Variants in PODXL observed in about 807,000 individuals in gnomAD.
PODXL encodes the protein podocalyxin like, also known as podocalyxin.
A neutral mutation model predicts 48.9 loss-of-function variants in PODXL; 20 were observed. The observed-to-expected ratio is 0.41, with a 90% confidence interval of 0.29 to 0.59. PODXL has a LOEUF of 0.59. Among genes scored for constraint, PODXL ranks in the 20% least tolerant of loss-of-function variants. The pLI is 0.31. For missense variants in PODXL, 606 were observed against 675.1 expected, an observed-to-expected ratio of 0.90 and a Z score of 1.13; for synonymous variants, 295 against 287.4, an observed-to-expected ratio of 1.03 and a Z score of -0.27.
At chr7:131,548,850 C>T (rs1166646339) in intron 1 of PODXL, among the ~76,000 whole-genome samples, 1 of 152,220 alleles carries the variant, frequency 6.6e-6, no homozygotes, top group East Asian at 1.9e-4. Context: ...CCGGCCCCCA[C>T]CTGCCACCTC....
rs1032270689 is a variant in PODXL, at chr7:131,531,812, T to A, written c.101-20379A>T. ...TGTAAAGACCCTTTGTCCACATAAG[T>A]TAATAATCACACATTCCAGCCAGGC... is the stretch of plus-strand genomic sequence containing the variant. On this transcript the variant is annotated intron_variant, in intron 1 of 8. Transcript: ENST00000378555. Among the ~76,000 whole-genome samples, 3 of 152,160 alleles carry A rather than the reference T, an allele frequency of 2.0e-5. 1 individual carries two copies. The highest frequency in any genetic ancestry group is 2.0e-4 in the Admixed American group (3 of 15,278).
chr7:131,554,173 A>G (rs1016635635), intron 1 of PODXL, among the ~76,000 whole-genome samples: 4 of 152,154 alleles, frequency 2.6e-5, no homozygotes, highest in African/African-American at 9.7e-5. Flanking sequence ...ACACCTTCAG[A>G]AGGACAGGGA....
At chr7:131,548,062 G>T (rs1193124739) in intron 1 of PODXL, among the ~76,000 whole-genome samples, 1 of 152,224 alleles carries the variant, frequency 6.6e-6, no homozygotes, top group Non-Finnish European at 1.5e-5. Context: ...TGCAGCTCAA[G>T]ACCCAATTAG....
At chr7:131,541,892 A>G (rs1196336917) in intron 1 of PODXL, among the ~76,000 whole-genome samples, 4 of 152,092 alleles carry the variant, frequency 2.6e-5, no homozygotes, top group African/African-American at 9.7e-5. Context: ...TGAATCAAGA[A>G]TCTCAGGGCC....
chr7:131,538,554 T>C (rs982249184), intron 1 of PODXL, among the ~76,000 whole-genome samples: 1 of 152,096 alleles, frequency 6.6e-6, no homozygotes, highest in African/African-American at 2.4e-5. Context: ...AGCTTCTAGA[T>C]ACATTCTTTG....
chr7:131,505,795 C>G lies in PODXL; in HGVS notation c.1479+73G>C, dbSNP rs7799613. 0.61 allele frequency: 852,249 copies of G among 1,400,866 alleles called. 261,207 individuals are homozygous for G. The highest frequency in any genetic ancestry group is 0.79 in the Middle Eastern group (3,523 of 4,476). The allele number at this position is 1,400,866 out of a possible 1,614,324, so 86.8% of individuals were successfully genotyped here. On this transcript the variant is annotated intron_variant, in intron 8 of 8. Transcript: ENST00000378555. ...CTGCTCCCTTTCCTCTTCTGCAACTCGGGAATCACGAGGGGAGGGTTCCTC... is the reference window on the plus strand; with the variant it reads ...CTGCTCCCTTTCCTCTTCTGCAACTGGGGAATCACGAGGGGAGGGTTCCTC...
chr7:131,528,956 G>C (rs1455533368), intron 1 of PODXL, among the ~76,000 whole-genome samples: 1 of 152,098 alleles, frequency 6.6e-6, no homozygotes, highest in Non-Finnish European at 1.5e-5. Flanking sequence ...GGGTTTACTT[G>C]AGCAGATAAG....
At chr7:131,505,843 T>C (rs745903753) in intron 8 of PODXL, 25 bp downstream of exon 8, 1 of 1,542,874 alleles carries the variant, frequency 6.5e-7, no homozygotes, top group South Asian at 1.2e-5. Flanking sequence ...CTGCTTCCCC[T>C]GTGTGGCTGC....
At chr7:131,552,480 C>T (rs1015697642) in intron 1 of PODXL, among the ~76,000 whole-genome samples, 2 of 152,182 alleles carry the variant, frequency 1.3e-5, no homozygotes, top group African/African-American at 4.8e-5. Context: ...CAGCACCCTC[C>T]TCTCCTTTCA....
chr7:131,522,815 T>TGAAAA, intron 1 of PODXL, among the ~76,000 whole-genome samples: 1 of 152,360 alleles, frequency 6.6e-6, no homozygotes, highest in East Asian at 1.9e-4. Context: ...CTTTTCTCTT[T>TGAAAA]CACTTTTGTT....
chr7:131,545,379 G>A (rs1230025188), intron 1 of PODXL, among the ~76,000 whole-genome samples: 1 of 152,196 alleles, frequency 6.6e-6, no homozygotes, highest in Non-Finnish European at 1.5e-5. Context: ...TGAGTGTGTT[G>A]TTATAGCTAA....
intron 1 of PODXL, among the ~76,000 whole-genome samples, chr7:131,532,733 C>T (rs1339365805): frequency 6.6e-6 from 1 of 152,200 alleles, no homozygotes; most frequent in South Asian, 2.1e-4. Flanking sequence ...CAACCCCCAG[C>T]GTGAAGGTCT....
rs1359108527 is a variant in PODXL at position 131,539,604 on chromosome 7, C to T, written c.100+16656G>A. Among the ~76,000 whole-genome samples, 6 of 152,368 alleles carry T rather than the reference C, an allele frequency of 3.9e-5. No homozygotes were observed. In the East Asian group the frequency reaches 1.2e-3, roughly 29 times the overall value. On this transcript the variant is annotated intron_variant, in intron 1 of 8. Coordinates refer to ENST00000378555, the MANE Select transcript of PODXL (RefSeq NM_001018111.3). ...AAAGTGCTGGGATTACAGGCGTGAG[C>T]CACCACGCCCAGTCCCCGAAATGTA...
intron 1 of PODXL, among the ~76,000 whole-genome samples, chr7:131,548,133 G>C (rs1798611558): frequency 6.6e-6 from 1 of 152,238 alleles, no homozygotes; most frequent in South Asian, 2.1e-4. Context: ...GAAGGCTACA[G>C]CCACATAACT....
intron 1 of PODXL, among the ~76,000 whole-genome samples, chr7:131,555,026 C>T (rs190213141): frequency 3.3e-5 from 5 of 152,284 alleles, no homozygotes; most frequent in Admixed American, 1.3e-4. Flanking sequence ...TGGAGTCTCC[C>T]GCCGGCCACA....
chr7:131,540,795 C>G (rs1798465239), intron 1 of PODXL, among the ~76,000 whole-genome samples: 5 of 152,222 alleles, frequency 3.3e-5, no homozygotes, highest in Admixed American at 3.3e-4. Context: ...AGTCTCCACT[C>G]CTGGCCTAAA....
intron 1 of PODXL, 62 bp from the exon 2 acceptor site, chr7:131,511,495 C>T: frequency 1.3e-6 from 2 of 1,551,142 alleles, no homozygotes; most frequent in East Asian, 2.2e-5. Context: ...CACGCTTCTC[C>T]AGCTCTTCCC....
chr7:131,509,675 G>T, intron 3 of PODXL, 90 bp from the exon 4 acceptor site: 2 of 912,562 alleles, frequency 2.2e-6, no homozygotes, highest in Non-Finnish European at 3.2e-6. Flanking sequence ...AGTTTTCCCA[G>T]GTTCTTTGGT....
intron 1 of PODXL, among the ~76,000 whole-genome samples, chr7:131,554,015 G>A (rs1310393169): frequency 6.6e-6 from 1 of 152,214 alleles, no homozygotes; most frequent in East Asian, 1.9e-4. Flanking sequence ...AGCTGGGGGA[G>A]AGGGGCAGGG....
Sources: gnomAD v4.1 joint callset for allele counts (sites outside exome capture counted in the v4.1 genomes callset) on GRCh38, gnomAD v4.1.1 for gene constraint, MANE v1.5 for transcripts, NCBI Gene and HGNC (gene_info 2026-07-23, HGNC 2026-07-21) for gene names.